MYO5B: variants seen among roughly 807,000 people sequenced by gnomAD.
MYO5B encodes the protein myosin VB, also known as unconventional myosin-Vb.
A neutral mutation model predicts 229.3 loss-of-function variants in MYO5B; 143 were observed. The ratio of observed to expected loss-of-function variants is 0.62; its 90% CI spans 0.54 to 0.72. The LOEUF (loss-of-function observed/expected upper bound fraction) is 0.72, where lower values mean the gene tolerates loss of function less well. Ranked by LOEUF, MYO5B falls within the 30% of genes least tolerant of loss-of-function variation. The pLI is 0.00. For synonymous variants in MYO5B, 918 were observed against 885.2 expected (o/e 1.04, Z -0.66); for missense variants, 2,321 against 2,331.0 (o/e 1.00, Z 0.09).
intron 14 of MYO5B, among the ~76,000 whole-genome samples, chr18:49,946,930 T>C (rs1345321185): frequency 1.3e-5 from 2 of 151,980 alleles, no homozygotes; most frequent in East Asian, 3.9e-4. Flanking sequence ...AGAGATACCA[T>C]GTTCAACGCT....
chr18:49,895,822 G>A (rs555408560), intron 21 of MYO5B, among the ~76,000 whole-genome samples: 1 of 152,304 alleles, frequency 6.6e-6, no homozygotes, highest in African/African-American at 2.4e-5. Context: ...GCAACACACA[G>A]GTGTGAAACA....
chr18:49,902,946 A>T, intron 20 of MYO5B, 113 bp from the exon 21 acceptor site: 8 of 1,342,886 alleles, frequency 6.0e-6, no homozygotes, highest in Non-Finnish European at 8.2e-6. Flanking sequence ...TGGTTCTAGG[A>T]GTTACACAGA....
chr18:50,072,641 C>T (rs1035913072), intron 1 of MYO5B, among the ~76,000 whole-genome samples: 1 of 152,150 alleles, frequency 6.6e-6, no homozygotes, highest in African/African-American at 2.4e-5. Flanking sequence ...GCACCAGGCA[C>T]TATGGTGCAT....
chr18:49,942,848 G>A (rs950641039), intron 14 of MYO5B, among the ~76,000 whole-genome samples: 16 of 152,074 alleles, frequency 1.1e-4, no homozygotes, highest in African/African-American at 1.9e-4. Context: ...CATTTGACAC[G>A]GCCATCACAT....
At chr18:50,104,437 A>G (rs2031718707) in intron 1 of MYO5B, among the ~76,000 whole-genome samples, 1 of 152,034 alleles carries the variant, frequency 6.6e-6, no homozygotes, top group Admixed American at 6.6e-5. Flanking sequence ...TGTGGTCATT[A>G]ATTTATTCAA....
Position 49,925,329 on chromosome 18 carries a change from G to A in MYO5B, c.2090+4183C>T, listed in dbSNP as rs959573702. On this transcript the variant is annotated intron_variant, in intron 17 of 39. Coordinates refer to ENST00000285039, the MANE Select transcript of MYO5B (RefSeq NM_001080467.3). Reference sequence around the variant, plus strand: ...TGTGACCTGGAAGCTCCCGCCTTCCGGTTGTCCCACTTGTCTGAACCAAAC... The same window carrying A: ...TGTGACCTGGAAGCTCCCGCCTTCCAGTTGTCCCACTTGTCTGAACCAAAC... Among the ~76,000 whole-genome samples, 6 of 152,172 alleles carry A rather than the reference G, an allele frequency of 3.9e-5. No homozygotes were observed. In the South Asian group the frequency reaches 6.2e-4, roughly 16 times the overall value.
In MYO5B at chr18:50,032,460, G is replaced by A. The variant is rs541268872; in HGVS notation, c.455+4390C>T. Among the ~76,000 whole-genome samples the A allele has an allele frequency of 2.6e-5, 4 of 152,316 alleles. No individual in the cohort carries two copies. In the South Asian group the frequency reaches 6.2e-4, roughly 24 times the overall value. On this transcript the variant is annotated intron_variant, in intron 4 of 39. Coordinates refer to ENST00000285039, the MANE Select transcript of MYO5B (RefSeq NM_001080467.3). ...TGGACATTTTATAGAAATGGAATTA[G>A]ACAACACGTGGTCTTTTTTATCTGG...
chr18:50,095,282 C>G (rs992010311), intron 1 of MYO5B, among the ~76,000 whole-genome samples: 11 of 152,216 alleles, frequency 7.2e-5, no homozygotes, highest in Non-Finnish European at 4.4e-5. Context: ...TCCTTAGGAA[C>G]TGATGCTTTG....
chr18:49,859,903 G>A (rs1408634014), intron 29 of MYO5B, among the ~76,000 whole-genome samples: 5 of 152,304 alleles, frequency 3.3e-5, no homozygotes, highest in African/African-American at 7.2e-5. Flanking sequence ...CAACAGCTCC[G>A]AGCAAATCTT....
At chr18:50,034,457 C>T (rs1229215636) in intron 4 of MYO5B, among the ~76,000 whole-genome samples, 1 of 152,214 alleles carries the variant, frequency 6.6e-6, no homozygotes, top group Non-Finnish European at 1.5e-5. Flanking sequence ...TCAAAATTAG[C>T]TCTCAGTCGT....
chr18:49,822,997 C>T lies in MYO5B; in HGVS notation c.*3474G>A, dbSNP rs1355921903. ...CCCCTGAATATGATCTGAACTCTTT[C>T]AGAGAGGCAGTCCTTCATCTAAATG... On this transcript the variant is annotated 3_prime_UTR_variant, in exon 40 of 40. Coordinates refer to ENST00000285039, the MANE Select transcript of MYO5B (RefSeq NM_001080467.3). 7 of 152,086 alleles carry T rather than the reference C, an allele frequency of 4.6e-5. No individual in the cohort carries two copies. The highest frequency in any genetic ancestry group is 4.6e-4 in the Admixed American group (7 of 15,256). 9.4% of individuals were successfully genotyped at this position (152,086 alleles called of 1,614,324 possible). A position where few individuals can be genotyped will look rare whatever the true frequency, so the allele number is the denominator to read the frequency against.
At chr18:49,998,870 T>C (rs905828767) in intron 5 of MYO5B, among the ~76,000 whole-genome samples, 4 of 152,170 alleles carry the variant, frequency 2.6e-5, no homozygotes, top group African/African-American at 7.2e-5. Context: ...TACTGTTTAA[T>C]GGGTAAATAA....
chr18:49,887,873 G>C (rs186479570), intron 22 of MYO5B, among the ~76,000 whole-genome samples: 3 of 151,828 alleles, frequency 2.0e-5, no homozygotes, highest in African/African-American at 7.2e-5. Flanking sequence ...ATTTTTAGTA[G>C]AGACGTGTTT....
chr18:50,071,419 C>CA (rs2030955772), intron 1 of MYO5B, among the ~76,000 whole-genome samples: 1 of 152,198 alleles, frequency 6.6e-6, no homozygotes, highest in South Asian at 2.1e-4. Context: ...ACAGGGCCTG[C>CA]AAAGCACTGA....
At chr18:49,884,731 T>C (rs929226757) in intron 22 of MYO5B, among the ~76,000 whole-genome samples, 2 of 152,016 alleles carry the variant, frequency 1.3e-5, no homozygotes, top group Admixed American at 6.6e-5. Flanking sequence ...GGCCTAGGGG[T>C]TGGGGACTCC....
intron 31 of MYO5B, among the ~76,000 whole-genome samples, chr18:49,852,989 T>C (rs2024219050): frequency 6.6e-6 from 1 of 152,184 alleles, no homozygotes; most frequent in South Asian, 2.1e-4. Context: ...GCTCCTTTGG[T>C]GACTGTCTGC....
chr18:50,183,176 T>C (rs898071291), intron 1 of MYO5B, among the ~76,000 whole-genome samples: 2 of 151,860 alleles, frequency 1.3e-5, no homozygotes, highest in East Asian at 1.9e-4. Context: ...TGAATACCTG[T>C]GAACTCACTA....
intron 2 of MYO5B, 43 bp downstream of exon 2, chr18:50,055,225 G>GGCCCCCCCGC: frequency 1.4e-6 from 1 of 700,376 alleles, no homozygotes; most frequent in Non-Finnish European, 2.7e-6. Flanking sequence ...TGAGCTCCCT[G>GGCCCCCCCGC]CCCCACCTCA....
intron 4 of MYO5B, among the ~76,000 whole-genome samples, chr18:50,020,843 T>C (rs994664135): frequency 6.6e-6 from 1 of 152,202 alleles, no homozygotes; most frequent in Non-Finnish European, 1.5e-5. Context: ...GCCAGGGAGA[T>C]GGATGTTTTT....
Sources: gnomAD v4.1 joint callset for allele counts (sites outside exome capture counted in the v4.1 genomes callset) on GRCh38, gnomAD v4.1.1 for gene constraint, MANE v1.5 for transcripts, NCBI Gene and HGNC (gene_info 2026-07-23, HGNC 2026-07-21) for gene names.